Variants in TNR observed in about 807,000 individuals in gnomAD.
TNR encodes tenascin R.
TNR carries 45 observed loss-of-function variants against 150.4 expected under a neutral mutation model. That is an observed-to-expected ratio of 0.30 (90% CI 0.24 to 0.38). TNR has a LOEUF of 0.38. Ranked by LOEUF, TNR falls within the 10% of genes least tolerant of loss-of-function variation. TNR has a pLI of 1.00. For missense variants in TNR, 1,544 were observed against 1,759.1 expected (o/e 0.88, Z 2.19); for synonymous variants, 687 against 678.4 (o/e 1.01, Z -0.20).
intron 1 of TNR, among the ~76,000 whole-genome samples, chr1:175,551,992 G>T (rs1266051758): frequency 6.6e-6 from 1 of 152,062 alleles, no homozygotes; most frequent in Non-Finnish European, 1.5e-5. Context: ...ACATACTCAA[G>T]AAATAGCCTT....
At chr1:175,584,696 A>T (rs2102231528) in intron 1 of TNR, among the ~76,000 whole-genome samples, 1 of 152,332 alleles carries the variant, frequency 6.6e-6, no homozygotes, top group East Asian at 1.9e-4. Context: ...TTCTGGTTCA[A>T]AGATAACCTT....
chr1:175,650,713 T>TCCC (rs1664935931), intron 1 of TNR, among the ~76,000 whole-genome samples: 1 of 8,296 alleles, frequency 1.2e-4, no homozygotes, highest in Non-Finnish European at 2.1e-4. Flanking sequence ...TTACTACCCC[T>TCCC]CCCCCTACCC....
intron 2 of TNR, among the ~76,000 whole-genome samples, chr1:175,504,582 G>A (rs1415810113): frequency 6.6e-6 from 1 of 152,120 alleles, no homozygotes; most frequent in African/African-American, 2.4e-5. Flanking sequence ...ACTCAGTGTG[G>A]AGAGCACCTC....
intron 2 of TNR, among the ~76,000 whole-genome samples, chr1:175,413,408 T>G (rs1654299741): frequency 6.6e-6 from 1 of 152,244 alleles, no homozygotes. Flanking sequence ...GTGGCATGTC[T>G]GGAAGTGCTG....
intron 1 of TNR, among the ~76,000 whole-genome samples, chr1:175,671,112 G>T (rs191976267): frequency 9.9e-5 from 15 of 152,180 alleles, no homozygotes; most frequent in Non-Finnish European, 2.2e-4. Context: ...CTGAACACCC[G>T]TAGGGGTATC....
chr1:175,724,123 C>T lies in TNR; in HGVS notation c.-165+19103G>A, dbSNP rs142068385. Among the ~76,000 whole-genome samples the T allele has an allele frequency of 1.1e-4, 17 of 152,178 alleles. No homozygotes were observed. In the South Asian group the frequency reaches 2.1e-3, roughly 19 times the overall value. On this transcript the variant is annotated intron_variant, in intron 1 of 22. Coordinates refer to ENST00000367674, the MANE Select transcript of TNR (RefSeq NM_003285.3). ...TATTGCCAGTGGAGATGAGGGTTTGCGATCAGGATTGTATTAGTTTCTTCT... is the reference window on the plus strand; with the variant it reads ...TATTGCCAGTGGAGATGAGGGTTTGTGATCAGGATTGTATTAGTTTCTTCT...
At chr1:175,326,470 C>T (rs1045842780) in intron 21 of TNR, among the ~76,000 whole-genome samples, 6 of 152,120 alleles carry the variant, frequency 3.9e-5, no homozygotes, top group African/African-American at 9.7e-5. Context: ...GGAAGGCTGA[C>T]GCCCTCACTG....
chr1:175,554,339 CAAAAAA>C (rs5778860), intron 1 of TNR, among the ~76,000 whole-genome samples: 6 of 115,132 alleles, frequency 5.2e-5, no homozygotes, highest in Non-Finnish European at 3.6e-5. Flanking sequence ...TCCTACATGG[CAAAAAA>C]AAAAAAAAAA....
At chr1:175,620,480 A>G (rs1663932023) in intron 1 of TNR, among the ~76,000 whole-genome samples, 1 of 152,232 alleles carries the variant, frequency 6.6e-6, no homozygotes, top group Non-Finnish European at 1.5e-5. Flanking sequence ...ACAATGAGCC[A>G]GAGAAACTAG....
At chr1:175,479,044 C>G (rs1351076442) in intron 2 of TNR, among the ~76,000 whole-genome samples, 1 of 152,180 alleles carries the variant, frequency 6.6e-6, no homozygotes, top group Non-Finnish European at 1.5e-5. Context: ...GTGCTTGACA[C>G]TATTACCTCC....
At chr1:175,691,200 G>A (rs781632213) in intron 1 of TNR, among the ~76,000 whole-genome samples, 19 of 152,158 alleles carry the variant, frequency 1.2e-4, no homozygotes, top group Non-Finnish European at 2.5e-4. Flanking sequence ...AGGTGGCTCT[G>A]CAGAGCAGGA....
intron 9 of TNR, among the ~76,000 whole-genome samples, chr1:175,370,461 G>A (rs1948028): frequency 0.66 from 99,358 of 149,958 alleles, 33,308 homozygotes; most frequent in East Asian, 0.81. Context: ...TGGTTTGCTG[G>A]GGCTTAGCCT....
chr1:175,325,498 C>A lies in TNR; in HGVS notation c.3794-979G>T, dbSNP rs752973775. Among the ~76,000 whole-genome samples the A allele has an allele frequency of 9.3e-4, 142 of 152,282 alleles. 1 individual carries two copies. The highest frequency in any genetic ancestry group is 9.8e-4 in the Admixed American group (15 of 15,304). On this transcript the variant is annotated intron_variant, in intron 21 of 22. Coordinates refer to ENST00000367674, the MANE Select transcript of TNR (RefSeq NM_003285.3). Reference sequence around the variant, plus strand: ...ATCTAGAACTAGAAATACCATTTGACCCAGCCATCCCATTACTGGGTATAT... The same window carrying A: ...ATCTAGAACTAGAAATACCATTTGAACCAGCCATCCCATTACTGGGTATAT...
intron 2 of TNR, among the ~76,000 whole-genome samples, chr1:175,526,089 C>T (rs859363): frequency 1.3e-5 from 2 of 151,582 alleles, no homozygotes; most frequent in East Asian, 3.9e-4. Context: ...AGTTGAAAGG[C>T]TATATCTATT....
At chr1:175,580,161 T>C (rs1446871425) in intron 1 of TNR, among the ~76,000 whole-genome samples, 1 of 152,212 alleles carries the variant, frequency 6.6e-6, no homozygotes, top group African/African-American at 2.4e-5. Flanking sequence ...CGCTCTCACA[T>C]GAGGTGTGGC....
chr1:175,461,890 T>C (rs1309232249), intron 2 of TNR, among the ~76,000 whole-genome samples: 1 of 152,262 alleles, frequency 6.6e-6, no homozygotes, highest in African/African-American at 2.4e-5. Flanking sequence ...GAACGAGGAC[T>C]TGGGATTGAG....
At chr1:175,608,431 T>G (rs1358967725) in intron 1 of TNR, among the ~76,000 whole-genome samples, 2 of 152,166 alleles carry the variant, frequency 1.3e-5, no homozygotes, top group Non-Finnish European at 2.9e-5. Context: ...AAGTAGAAGG[T>G]TAAAAGAAGA....
At chr1:175,728,412 G>A (rs978618900) in intron 1 of TNR, among the ~76,000 whole-genome samples, 1 of 152,184 alleles carries the variant, frequency 6.6e-6, no homozygotes, top group Non-Finnish European at 1.5e-5. Flanking sequence ...ATTAAAATTT[G>A]AGGGTCCTAA....
chr1:175,580,129 CA>C (rs1384186803), intron 1 of TNR, among the ~76,000 whole-genome samples: 1 of 152,156 alleles, frequency 6.6e-6, no homozygotes, highest in Non-Finnish European at 1.5e-5. Flanking sequence ...GTGGCTCTGG[CA>C]GCTGATGCAA....
Sources: allele counts gnomAD v4.1 joint callset (sites outside exome capture counted in the v4.1 genomes callset), GRCh38; gene constraint gnomAD v4.1.1; transcripts MANE v1.5; gene names NCBI Gene and HGNC (gene_info 2026-07-23, HGNC 2026-07-21).